The following AGL variants were observed in gnomAD, a reference collection of about 807,000 sequenced individuals.
The protein encoded by AGL is amylo-alpha-1,6-glucosidase and 4-alpha-glucanotransferase, also known as glycogen debranching enzyme.
In AGL, 128 loss-of-function variants were observed where a neutral mutation model predicts 199.3. The observed-to-expected ratio is 0.64, with a 90% CI of 0.56 to 0.74. The LOEUF (loss-of-function observed/expected upper bound fraction) is 0.74. Among genes scored for constraint, AGL ranks in the 30% least tolerant of loss-of-function variants. The pLI, the probability that AGL is intolerant of heterozygous loss-of-function variation, is 0.00. For missense variants in AGL, 1,809 were observed against 1,820.8 expected, an observed-to-expected ratio of 0.99 and a Z score of 0.12; for synonymous variants, 584 against 594.7, an observed-to-expected ratio of 0.98 and a Z score of 0.26.
rs150203162 is a variant in AGL, at chr1:99,883,670, G to C, written c.2309-450G>C. Among the ~76,000 whole-genome samples the C allele has an allele frequency of 5.5e-3, 843 of 152,206 alleles. 20 individuals are homozygous for C. The highest frequency in any genetic ancestry group is 0.04 in the Admixed American group (610 of 15,270). The stretch of plus-strand genomic sequence containing the variant: ...CAGGCATGTGTAGTGAAAATGCCAG[G>C]GGTAGTGAGCACCAAACTGAATTGA... On this transcript the variant is annotated intron_variant, in intron 17 of 33. Transcript: ENST00000361915.
At chr1:99,892,043 C>T (rs1652939721) in intron 23 of AGL, among the ~76,000 whole-genome samples, 1 of 152,064 alleles carries the variant, frequency 6.6e-6, no homozygotes, top group South Asian at 2.1e-4. Context: ...TCTACATGTA[C>T]AATTTTTCTA....
chr1:99,866,193 C>G lies in AGL; in HGVS notation c.664+1604C>G, dbSNP rs570575153. Among the ~76,000 whole-genome samples the G allele has an allele frequency of 2.2e-4, 34 of 152,244 alleles. No individual in the cohort carries two copies. In the South Asian group the frequency reaches 4.3e-3, roughly 19 times the overall value. ...ATAATATTATTGAAATCAGATTTAT[C>G]AAACCACATAAGGGCATTTTATGAG... On this transcript the variant is annotated intron_variant, in intron 5 of 33. Coordinates refer to ENST00000361915, the MANE Select transcript of AGL (RefSeq NM_000642.3).
intron 2 of AGL, among the ~76,000 whole-genome samples, chr1:99,856,012 CATT>C (rs901909016): frequency 6.6e-5 from 10 of 152,106 alleles, no homozygotes; most frequent in African/African-American, 2.4e-4. Context: ...TTTAATCACT[CATT>C]ATGCTAGTTG....
intron 25 of AGL, among the ~76,000 whole-genome samples, chr1:99,898,763 T>C (rs1327177147): frequency 6.6e-6 from 1 of 152,044 alleles, no homozygotes; most frequent in East Asian, 1.9e-4. Context: ...ACACACCTAT[T>C]CTCCATACAC....
rs1182746665 is a variant in AGL at position 99,874,914 on chromosome 1, AAT to A, written c.1082+106_1082+107del. The A allele has an allele frequency of 1.2e-5, 17 of 1,365,626 alleles. No homozygotes were observed. The Admixed American group carries it at 2.7e-4, about 21-fold the overall frequency. The allele number at this position is 1,365,626 out of a possible 1,614,324, so 84.6% of individuals were successfully genotyped here. The stretch of plus-strand genomic sequence containing the variant: ...ATTAAAAACGCTTAATAGAAAATGA[AAT>A]AAAGTAATTCACTGTAATTCTACTA... On this transcript the variant is annotated intron_variant, in intron 8 of 33. Coordinates refer to ENST00000361915, the MANE Select transcript of AGL (RefSeq NM_000642.3).
In AGL at chr1:99,877,812, C is replaced by T. The variant is rs1162615507; in HGVS notation, c.1595C>T (p.Pro532Leu). ...GVRLDNCHST[P>L]LHVAEYMLDA... ...CGTCTTGATAACTGCCACTCAACAC[C>T]TCTTCACGTAGCTGAGGTACAGAAA... Residue 532 changes from proline to leucine, a missense_variant, in exon 12 of 34, where the codon CCT becomes CTT. Coordinates refer to ENST00000361915, the MANE Select transcript of AGL (RefSeq NM_000642.3). 2 of 1,614,020 alleles carry T rather than the reference C, an allele frequency of 1.2e-6. No individual in the cohort carries two copies. The highest frequency in any genetic ancestry group is 2.2e-5 in the South Asian group (2 of 91,088).
At chr1:99,862,515 A>G (rs1343097802) in intron 4 of AGL, 92 bp downstream of exon 4, 1 of 1,363,782 alleles carries the variant, frequency 7.3e-7, no homozygotes, top group East Asian at 2.4e-5. Context: ...GTATTAGTCC[A>G]TTCTCTCATT....
rs749372877 is a variant in AGL at position 99,881,682 on chromosome 1, T to G, written c.2299T>G (p.Cys767Gly). 6.2e-7 allele frequency: 1 copy of G among 1,613,858 alleles called. No individual in the cohort carries two copies. ...TTACAGCAAGGAAGTGCCTCAAATG[T>G]GCATCCCTGGTAATGCAATCTAAAA... ...SFYSKEVPQM[C>G]IPGKIEEVVL... The change falls in exon 17 of 34, where the codon TGC becomes GGC. Residue 767 changes from cysteine (C) to glycine (G), a missense_variant. Physicochemically the swap from Cys to Gly is radical, Grantham distance 159. Coordinates refer to ENST00000361915, the MANE Select transcript of AGL (RefSeq NM_000642.3).
chr1:99,859,034 C>T (rs957658444), intron 2 of AGL, among the ~76,000 whole-genome samples: 4 of 152,068 alleles, frequency 2.6e-5, no homozygotes, highest in Admixed American at 2.6e-4. Context: ...CTTTGCTCTG[C>T]AAGTTCTCTG....
chr1:99,867,982 A>T (rs1287535544), intron 5 of AGL, among the ~76,000 whole-genome samples: 1 of 151,702 alleles, frequency 6.6e-6, no homozygotes, highest in Non-Finnish European at 1.5e-5. Flanking sequence ...AAATGCCAAG[A>T]CTCTTGCTGT....
At chr1:99,914,273 C>T (rs1321115640) in intron 30 of AGL, among the ~76,000 whole-genome samples, 1 of 152,256 alleles carries the variant, frequency 6.6e-6, no homozygotes, top group Non-Finnish European at 1.5e-5. Context: ...CACACCTGTG[C>T]TATAACCAGT....
chr1:99,890,829 C>T (rs1385545079), intron 21 of AGL, among the ~76,000 whole-genome samples: 1 of 152,120 alleles, frequency 6.6e-6, no homozygotes, highest in Admixed American at 6.6e-5. Flanking sequence ...GAACCCACTA[C>T]TTTTCAACAT....
chr1:99,885,643 G>A (rs574409011), intron 20 of AGL, among the ~76,000 whole-genome samples: 18 of 152,072 alleles, frequency 1.2e-4, no homozygotes, highest in African/African-American at 2.4e-4. Context: ...TCATAGGGAC[G>A]TGAACCCTAT....
At chr1:99,914,977 G>A (rs1570513835) in intron 30 of AGL, among the ~76,000 whole-genome samples, 4 of 152,312 alleles carry the variant, frequency 2.6e-5, no homozygotes, top group South Asian at 2.1e-4. Context: ...CTGCTCAAGA[G>A]GCTAAGGCAG....
At chr1:99,867,700 T>A (rs1487451065) in intron 5 of AGL, among the ~76,000 whole-genome samples, 2 of 151,872 alleles carry the variant, frequency 1.3e-5, no homozygotes. Context: ...GAATTACAGG[T>A]ATGAGCCACC....
At chr1:99,892,740 T>C (rs1653005728) in intron 24 of AGL, 133 bp downstream of exon 24, 4 of 858,132 alleles carry the variant, frequency 4.7e-6, no homozygotes, top group Non-Finnish European at 7.3e-6. Context: ...GTACATTTCA[T>C]AGATATTCAC....
chr1:99,859,770 G>C (rs1315147999), intron 2 of AGL, among the ~76,000 whole-genome samples: 1 of 152,142 alleles, frequency 6.6e-6, no homozygotes, highest in Non-Finnish European at 1.5e-5. Context: ...TCAAACTTCT[G>C]ACCTCAGGTG....
At chr1:99,885,456 G>A (rs1652385595) in intron 20 of AGL, among the ~76,000 whole-genome samples, 1 of 152,166 alleles carries the variant, frequency 6.6e-6, no homozygotes, top group Non-Finnish European at 1.5e-5. Flanking sequence ...TGGGTTAGAC[G>A]AGGGGTCCCC....
rs1653861152 is a variant in AGL at position 99,901,794 on chromosome 1, G to C, written c.3589-889G>C. ...CTGGGAGGGGATAGTAGCTTTGTAA[G>C]CTACTCCAGGGTTAGCATATATTTG... is the stretch of plus-strand genomic sequence containing the variant. On this transcript the variant is annotated intron_variant, in intron 26 of 33. Coordinates refer to ENST00000361915, the MANE Select transcript of AGL (RefSeq NM_000642.3). 2.0e-5 allele frequency among the ~76,000 whole-genome samples: 3 copies of C among 151,932 alleles called. No individual in the cohort carries two copies. In the South Asian group the frequency reaches 6.2e-4, roughly 32 times the overall value.
Sources: gnomAD v4.1 joint callset for allele counts (sites outside exome capture counted in the v4.1 genomes callset) on GRCh38, gnomAD v4.1.1 for gene constraint, MANE v1.5 for transcripts, NCBI Gene and HGNC (gene_info 2026-07-23, HGNC 2026-07-21) for gene names.